The following ANKRD30A variants were observed in gnomAD, a reference collection of about 807,000 sequenced individuals.
The protein encoded by ANKRD30A is ankyrin repeat domain 30A, also known as ankyrin repeat domain-containing protein 30A.
ANKRD30A carries 170 observed loss-of-function variants against 166.3 expected under a neutral mutation model. That is an observed-to-expected ratio of 1.02 (90% confidence interval 0.90 to 1.16). The LOEUF (loss-of-function observed/expected upper bound fraction) is 1.16, where lower values mean the gene tolerates loss of function less well. Ranked by LOEUF, ANKRD30A falls within the 50% of genes most tolerant of loss-of-function variation. The pLI is 0.00. For synonymous variants in ANKRD30A, 564 were observed against 508.9 expected, an observed-to-expected ratio of 1.11 and a Z score of -1.46; for missense variants, 1,630 against 1,518.0, an observed-to-expected ratio of 1.07 and a Z score of -1.23.
Position 37,165,236 on chromosome 10 carries a change from C to A in ANKRD30A, c.2064+81C>A, listed in dbSNP as rs150652764. The stretch of plus-strand genomic sequence containing the variant: ...AAATCAGATGCTTAGTCTTTATTTT[C>A]TCACCTCTGCATGTGTCACCCTCAA... On this transcript the variant is annotated intron_variant, in intron 18 of 35. Transcript: ENST00000361713. 491 of 1,321,860 alleles carry A rather than the reference C, an allele frequency of 3.7e-4. 1 individual carries two copies. Among genetic ancestry groups the A allele is most frequent in the African/African-American group, 3.5e-3 (244 of 69,178 alleles). 81.9% of individuals were successfully genotyped at this position (1,321,860 alleles called of 1,614,324 possible).
At position 37,149,560 on chromosome 10, in the gene ANKRD30A, A is replaced by G. The variant is rs1482154143; in HGVS notation, c.1544-91A>G. On this transcript the variant is annotated intron_variant, in intron 9 of 35. Transcript: ENST00000361713. ...AAGTATTCGTTCTCAAAGTCGACCA[A>G]GAGGAATCAGTTACATACTATGACT... 7.6e-6 allele frequency: 11 copies of G among 1,455,172 alleles called. No homozygotes were observed. The East Asian group carries it at 1.1e-4, about 15-fold the overall frequency. 90.1% of individuals were successfully genotyped at this position (1,455,172 alleles called of 1,614,324 possible).
At chr10:37,192,008 T>C (rs1321372829) in intron 25 of ANKRD30A, among the ~76,000 whole-genome samples, 2 of 152,010 alleles carry the variant, frequency 1.3e-5, no homozygotes, top group East Asian at 3.9e-4. Context: ...TCTGGAAGTT[T>C]ACTTCTAGTT....
the ANKRD30A span, among the ~76,000 whole-genome samples, chr10:37,248,890 G>A: frequency 6.6e-6 from 1 of 152,120 alleles, no homozygotes; most frequent in Non-Finnish European, 1.5e-5. Context: ...CTACCCAAAG[G>A]AAAGATAGAT....
At chr10:37,197,506 A>G (rs1841233499) in intron 29 of ANKRD30A, 26 bp downstream of exon 29, 1 of 1,611,754 alleles carries the variant, frequency 6.2e-7, no homozygotes, top group Non-Finnish European at 8.5e-7. Flanking sequence ...TAACTATGCG[A>G]AGACCAATAT....
intron 15 of ANKRD30A, among the ~76,000 whole-genome samples, chr10:37,159,978 C>T (rs1176454148): frequency 4.6e-5 from 7 of 152,124 alleles, no homozygotes; most frequent in African/African-American, 1.7e-4. Context: ...GAATTACAGG[C>T]GTGAGGCACC....
the ANKRD30A span, among the ~76,000 whole-genome samples, chr10:37,242,279 C>T: frequency 1.3e-5 from 2 of 152,174 alleles, no homozygotes; most frequent in Non-Finnish European, 2.9e-5. Context: ...TTGAACATGG[C>T]TATCACCAAA....
chr10:37,160,356 G>A (rs931943605), intron 15 of ANKRD30A, among the ~76,000 whole-genome samples: 1 of 152,114 alleles, frequency 6.6e-6, no homozygotes, highest in Non-Finnish European at 1.5e-5. Context: ...TTATGACATT[G>A]TGACATGTCA....
intron 15 of ANKRD30A, among the ~76,000 whole-genome samples, chr10:37,160,537 C>T (rs1838770762): frequency 6.6e-6 from 1 of 152,088 alleles, no homozygotes; most frequent in African/African-American, 2.4e-5. Context: ...TCTAAAGTGC[C>T]AAATAACAAA....
At chr10:37,218,526 T>A (rs1842716057) in intron 33 of ANKRD30A, among the ~76,000 whole-genome samples, 1 of 151,036 alleles carries the variant, frequency 6.6e-6, no homozygotes, top group Non-Finnish European at 1.5e-5. Context: ...AAAGATAGAA[T>A]ATCTAGAGAA....
chr10:37,232,680 AT>A (rs1241660039), downstream of ANKRD30A: 8 of 7,764 alleles, frequency 1.0e-3, no homozygotes, highest in Non-Finnish European at 4.5e-3. Context: ...ATATATATAT[AT>A]ATATATATAT....
downstream of ANKRD30A, among the ~76,000 whole-genome samples, chr10:37,233,952 C>A (rs1843557779): frequency 6.6e-6 from 1 of 152,048 alleles, no homozygotes; most frequent in South Asian, 2.1e-4. Flanking sequence ...AGCATTGATA[C>A]TGAATTTATC....
chr10:37,228,412 CTACAATG>C lies in ANKRD30A; in HGVS notation c.4186-3047_4186-3041del, dbSNP rs148244336. ...ACTTCTGAGATGATTAAAAATGATTCTACAATGTTCTCTTTATTTTCTCATTGAAGAA... is the reference window on the plus strand; with the variant it reads ...ACTTCTGAGATGATTAAAAATGATTCTTCTCTTTATTTTCTCATTGAAGAA... On this transcript the variant is annotated intron_variant, in intron 34 of 35. Transcript: ENST00000361713. Among the ~76,000 whole-genome samples, 1,418 of 152,002 alleles carry C rather than the reference CTACAATG, an allele frequency of 9.3e-3. 15 individuals carry two copies. Among genetic ancestry groups the C allele is most frequent in the African/African-American group, 0.03 (1,247 of 41,502 alleles).
In ANKRD30A at chr10:37,158,381, T is replaced by G; in HGVS notation, c.1799-11T>G. ...GCATATAATCAATTATGTATGTCCCTTTTCTTATAGAGTCTCCTAATAAAG... is the reference window on the plus strand; with the variant it reads ...GCATATAATCAATTATGTATGTCCCGTTTCTTATAGAGTCTCCTAATAAAG... On this transcript the variant is annotated splice_polypyrimidine_tract_variant and intron_variant, in intron 13 of 35. Transcript: ENST00000361713. 6.2e-7 allele frequency: 1 copy of G among 1,607,124 alleles called. No individual in the cohort carries two copies. The highest frequency in any genetic ancestry group is 8.5e-7 in the Non-Finnish European group (1 of 1,175,004).
chr10:37,262,180 A>G, the ANKRD30A span, among the ~76,000 whole-genome samples: 1 of 152,192 alleles, frequency 6.6e-6, no homozygotes, highest in African/African-American at 2.4e-5. Flanking sequence ...TTTCACATCT[A>G]CCTGCAAAGG....
chr10:37,151,010 G>T (rs1208538747), intron 11 of ANKRD30A, among the ~76,000 whole-genome samples: 1 of 135,900 alleles, frequency 7.4e-6, no homozygotes, highest in Non-Finnish European at 1.6e-5. Context: ...ACTTACCAAA[G>T]TGTGATTTGA....
At chr10:37,178,993 T>C (rs1839954575) in intron 24 of ANKRD30A, among the ~76,000 whole-genome samples, 1 of 148,666 alleles carries the variant, frequency 6.7e-6, no homozygotes, top group South Asian at 2.2e-4. Context: ...ATTAATTTTC[T>C]TTATTACTAT....
intron 25 of ANKRD30A, among the ~76,000 whole-genome samples, chr10:37,190,982 C>G (rs905047105): frequency 6.6e-6 from 1 of 151,728 alleles, no homozygotes; most frequent in Non-Finnish European, 1.5e-5. Context: ...ACATGCTACA[C>G]GAAACCAGAC....
chr10:37,140,783 T>C (rs1380352971), intron 6 of ANKRD30A, among the ~76,000 whole-genome samples: 2 of 152,184 alleles, frequency 1.3e-5, no homozygotes, highest in Non-Finnish European at 2.9e-5. Context: ...TGTGACATAA[T>C]GCATTGTACA....
chr10:37,126,076 AGTCGGGGGCT>A, intron 1 of ANKRD30A, 68 bp downstream of exon 1: 1 of 1,520,814 alleles, frequency 6.6e-7, no homozygotes, highest in South Asian at 1.1e-5. Flanking sequence ...GCCCCTTCAG[AGTCGGGGGCT>A]GGGGGGCCTG....
Sources: allele counts gnomAD v4.1 joint callset (sites outside exome capture counted in the v4.1 genomes callset), GRCh38; gene constraint gnomAD v4.1.1; transcripts MANE v1.5; gene names NCBI Gene and HGNC (gene_info 2026-07-23, HGNC 2026-07-21).